The following ASIC2 variants were observed in gnomAD, a reference collection of about 807,000 sequenced individuals.
ASIC2 encodes acid-sensing ion channel 2.
In ASIC2, 25 loss-of-function variants were observed where a neutral mutation model predicts 57.3. The ratio of observed to expected loss-of-function variants is 0.44; its 90% CI spans 0.32 to 0.61. ASIC2 has a LOEUF of 0.61. Among genes scored for constraint, ASIC2 ranks in the 20% least tolerant of loss-of-function variants. The probability of loss-of-function intolerance (pLI) is 0.06; values close to 1 mark genes in which losing one functional copy is unlikely to be tolerated. For missense variants in ASIC2, 641 were observed against 738.1 expected, an observed-to-expected ratio of 0.87 and a Z score of 1.52; for synonymous variants, 319 against 307.5, an observed-to-expected ratio of 1.04 and a Z score of -0.39.
intron 1 of ASIC2, among the ~76,000 whole-genome samples, chr17:33,780,362 C>T (rs1597873164): frequency 6.6e-6 from 1 of 152,278 alleles, no homozygotes; most frequent in Middle Eastern, 3.4e-3. Context: ...TACTTCTGAA[C>T]ATCTTGAACC....
chr17:33,993,588 T>C (rs1019403985), intron 1 of ASIC2, among the ~76,000 whole-genome samples: 5 of 152,252 alleles, frequency 3.3e-5, no homozygotes, highest in African/African-American at 1.2e-4. Context: ...GCTCCAGCTC[T>C]AGAATTCATA....
At chr17:34,030,400 C>G (rs143499276) in intron 1 of ASIC2, among the ~76,000 whole-genome samples, 1 of 152,218 alleles carries the variant, frequency 6.6e-6, no homozygotes, top group Admixed American at 6.5e-5. Context: ...TGAATAGGAA[C>G]AGCTCCGGTC....
chr17:34,073,347 G>A (rs1909497178), intron 1 of ASIC2, among the ~76,000 whole-genome samples: 1 of 152,230 alleles, frequency 6.6e-6, no homozygotes, highest in Non-Finnish European at 1.5e-5. Flanking sequence ...CAATGGGCTA[G>A]ATATAGCCCA....
intron 1 of ASIC2, among the ~76,000 whole-genome samples, chr17:33,346,391 A>G (rs1052833558): frequency 2.0e-5 from 3 of 152,124 alleles, no homozygotes; most frequent in Non-Finnish European, 4.4e-5. Flanking sequence ...GGGAACTTCA[A>G]GATATTTAAT....
chr17:33,797,270 C>T (rs1322019086), intron 1 of ASIC2, among the ~76,000 whole-genome samples: 1 of 152,130 alleles, frequency 6.6e-6, no homozygotes, highest in African/African-American at 2.4e-5. Context: ...GTGGACCCTC[C>T]AGGCAGAAGT....
intron 1 of ASIC2, among the ~76,000 whole-genome samples, chr17:33,558,246 C>T (rs1291127201): frequency 6.6e-6 from 1 of 152,016 alleles, no homozygotes; most frequent in Non-Finnish European, 1.5e-5. Flanking sequence ...GGGGCTGGAC[C>T]CTACACTATG....
chr17:33,285,817 C>T (rs1003720603), intron 1 of ASIC2, among the ~76,000 whole-genome samples: 1 of 152,202 alleles, frequency 6.6e-6, no homozygotes, highest in Non-Finnish European at 1.5e-5. Context: ...ACACAGTCTT[C>T]CAGGGTTATT....
chr17:33,807,273 A>G (rs979722703), intron 1 of ASIC2, among the ~76,000 whole-genome samples: 14 of 152,204 alleles, frequency 9.2e-5, no homozygotes, highest in African/African-American at 3.1e-4. Context: ...AGCAGGTGAT[A>G]GGATTTAGAA....
At chr17:34,064,547 C>CT (rs202213337) in intron 1 of ASIC2, among the ~76,000 whole-genome samples, 1,673 of 151,764 alleles carry the variant, frequency 0.011, 41 homozygotes, top group African/African-American at 0.037. Flanking sequence ...AACTAAAGAG[C>CT]TTTTTTTTTA....
Position 33,128,510 on chromosome 17 carries a change from C to T in ASIC2, c.709-16443G>A, listed in dbSNP as rs114036925. Among the ~76,000 whole-genome samples, 719 of 152,262 alleles carry T rather than the reference C, an allele frequency of 4.7e-3. 3 individuals are homozygous for T. The highest frequency in any genetic ancestry group is 0.017 in the African/African-American group (696 of 41,532). The stretch of plus-strand genomic sequence containing the variant: ...CAGTGTCCTTGGGCTCCACACCCAC[C>T]GATCACACCCATGCAGGAGGGAAGT... On this transcript the variant is annotated intron_variant, in intron 1 of 9. Transcript: ENST00000225823.
At chr17:33,234,158 T>A (rs111968713) in intron 1 of ASIC2, among the ~76,000 whole-genome samples, 4,736 of 152,318 alleles carry the variant, frequency 0.031, 92 homozygotes, top group Non-Finnish European at 0.046. Flanking sequence ...TTTTTTTCTT[T>A]GAAGTTAGCA....
intron 1 of ASIC2, among the ~76,000 whole-genome samples, chr17:33,471,261 A>G (rs1913042275): frequency 6.6e-6 from 1 of 152,144 alleles, no homozygotes; most frequent in African/African-American, 2.4e-5. Context: ...TTGTGTTAGG[A>G]GAAATTACCT....
chr17:33,733,000 G>T (rs1806466004), intron 1 of ASIC2, among the ~76,000 whole-genome samples: 1 of 152,178 alleles, frequency 6.6e-6, no homozygotes, highest in African/African-American at 2.4e-5. Context: ...GAAATTTATA[G>T]CATGGCATCC....
At chr17:33,990,723 G>A (rs116767904) in intron 1 of ASIC2, among the ~76,000 whole-genome samples, 255 of 152,226 alleles carry the variant, frequency 1.7e-3, no homozygotes, top group African/African-American at 5.7e-3. Context: ...CAAGCAAAGC[G>A]CAATGTGAGA....
At chr17:33,154,737 G>A (rs879755507) in intron 1 of ASIC2, among the ~76,000 whole-genome samples, 2 of 152,132 alleles carry the variant, frequency 1.3e-5, no homozygotes, top group Non-Finnish European at 2.9e-5. Flanking sequence ...TCCCAAACAT[G>A]CTTGGAGCTT....
At chr17:34,099,376 AAAAAAG>A (rs1910720370) in intron 1 of ASIC2, among the ~76,000 whole-genome samples, 1 of 149,016 alleles carries the variant, frequency 6.7e-6, no homozygotes, top group South Asian at 2.1e-4. Flanking sequence ...GGAAAGAAAG[AAAAAAG>A]AGAAAGAGGA....
chr17:33,106,190 T>C (rs1232643432), intron 2 of ASIC2, among the ~76,000 whole-genome samples: 4 of 152,000 alleles, frequency 2.6e-5, no homozygotes, highest in Non-Finnish European at 5.9e-5. Context: ...CCTGTGTGAC[T>C]AGAGCCAGGT....
At chr17:33,889,495 G>A (rs1914911042) in intron 1 of ASIC2, among the ~76,000 whole-genome samples, 1 of 152,082 alleles carries the variant, frequency 6.6e-6, no homozygotes, top group African/African-American at 2.4e-5. Flanking sequence ...CTTGAATTAT[G>A]TTGTATTTTA....
chr17:34,034,743 G>A (rs1907788715), intron 1 of ASIC2, among the ~76,000 whole-genome samples: 1 of 152,144 alleles, frequency 6.6e-6, no homozygotes, highest in Admixed American at 6.6e-5. Flanking sequence ...GCCAAATCAT[G>A]AGTGAACTCC....
Sources: gnomAD v4.1 joint callset for allele counts (sites outside exome capture counted in the v4.1 genomes callset) on GRCh38, gnomAD v4.1.1 for gene constraint, MANE v1.5 for transcripts, NCBI Gene and HGNC (gene_info 2026-07-23, HGNC 2026-07-21) for gene names.